Variants in KIF26B observed in about 807,000 individuals in gnomAD.
KIF26B encodes kinesin family member 26B, also known as kinesin-like protein KIF26B.
In KIF26B, 63 loss-of-function variants were observed where a neutral mutation model predicts 151.2. That is an observed-to-expected ratio of 0.42 (90% CI 0.34 to 0.51). The LOEUF is 0.51. KIF26B is among the 20% of genes least tolerant of loss of function. KIF26B has a pLI of 0.07. For missense variants in KIF26B, 2,813 were observed against 2,913.6 expected (o/e 0.97, Z 0.79); for synonymous variants, 1,357 against 1,262.1 (o/e 1.08, Z -1.59).
At chr1:245,204,378 C>CTT (rs11350122) in intron 2 of KIF26B, among the ~76,000 whole-genome samples, 5 of 146,466 alleles carry the variant, frequency 3.4e-5, no homozygotes, top group Admixed American at 6.8e-5. Flanking sequence ...TAAGATCTCT[C>CTT]TTTTTTTTTT....
intron 5 of KIF26B, among the ~76,000 whole-genome samples, chr1:245,586,910 C>T (rs1239091655): frequency 7.3e-6 from 1 of 137,622 alleles, no homozygotes; most frequent in Non-Finnish European, 1.6e-5. Context: ...AAAAAAAAAA[C>T]ATCAAACAAT....
chr1:245,168,642 A>G (rs1354227543), intron 2 of KIF26B, among the ~76,000 whole-genome samples: 2 of 152,228 alleles, frequency 1.3e-5, no homozygotes, highest in African/African-American at 4.8e-5. Context: ...AACTCTATAA[A>G]CATTTTATTC....
intron 4 of KIF26B, among the ~76,000 whole-genome samples, chr1:245,509,611 A>G (rs1479279630): frequency 6.6e-6 from 1 of 151,960 alleles, no homozygotes; most frequent in Admixed American, 6.6e-5. Context: ...GTCTCCAGAA[A>G]CTCCTGCCTG....
chr1:245,188,203 C>G (rs1047706837), intron 2 of KIF26B, among the ~76,000 whole-genome samples: 1 of 144,014 alleles, frequency 6.9e-6, no homozygotes, highest in Non-Finnish European at 1.5e-5. Context: ...TCACTTGATC[C>G]CAGGAGGTGG....
intron 2 of KIF26B, among the ~76,000 whole-genome samples, chr1:245,249,345 C>G (rs891151096): frequency 6.6e-6 from 1 of 152,052 alleles, no homozygotes; most frequent in East Asian, 1.9e-4. Context: ...GTGATCCGCC[C>G]GCCTTGGCTT....
At chr1:245,626,782 G>C (rs1223689805) in intron 9 of KIF26B, among the ~76,000 whole-genome samples, 1 of 152,142 alleles carries the variant, frequency 6.6e-6, no homozygotes, top group Non-Finnish European at 1.5e-5. Context: ...TGCTTTCAAA[G>C]TCTTAGCCAT....
intron 9 of KIF26B, among the ~76,000 whole-genome samples, chr1:245,637,975 A>G (rs2043852786): frequency 6.6e-6 from 1 of 151,830 alleles, no homozygotes; most frequent in African/African-American, 2.4e-5. Flanking sequence ...GTATTGATTT[A>G]TCTACTACGG....
chr1:245,429,851 G>A (rs528907339), intron 4 of KIF26B, among the ~76,000 whole-genome samples: 1 of 152,182 alleles, frequency 6.6e-6, no homozygotes, highest in Non-Finnish European at 1.5e-5. Context: ...CTGACCTCAG[G>A]TGATCTGCCC....
chr1:245,571,480 A>G (rs1353299406), intron 5 of KIF26B, among the ~76,000 whole-genome samples: 1 of 152,256 alleles, frequency 6.6e-6, no homozygotes, highest in Non-Finnish European at 1.5e-5. Flanking sequence ...GAAAGTGATC[A>G]GATCAGAACT....
intron 10 of KIF26B, among the ~76,000 whole-genome samples, chr1:245,683,297 C>T (rs188701048): frequency 6.7e-6 from 1 of 149,310 alleles, no homozygotes; most frequent in Non-Finnish European, 1.5e-5. Context: ...GAGCACGCGG[C>T]ATGGGAAATA....
intron 6 of KIF26B, among the ~76,000 whole-genome samples, chr1:245,603,796 C>G (rs947734416): frequency 2.6e-5 from 4 of 152,292 alleles, no homozygotes; most frequent in African/African-American, 7.2e-5. Flanking sequence ...GAGATTGCTT[C>G]TAATGATTGG....
intron 4 of KIF26B, among the ~76,000 whole-genome samples, chr1:245,524,514 A>G (rs1474724678): frequency 6.6e-6 from 1 of 152,230 alleles, no homozygotes; most frequent in African/African-American, 2.4e-5. Flanking sequence ...ATTGGGTAAA[A>G]TCATAGTAAC....
intron 3 of KIF26B, among the ~76,000 whole-genome samples, chr1:245,409,771 C>T: frequency 6.6e-6 from 1 of 152,156 alleles, no homozygotes; most frequent in East Asian, 1.9e-4. Flanking sequence ...GACTCAAGGC[C>T]AGCCTCAGAG....
chr1:245,694,445 A>G (rs2044664283), intron 12 of KIF26B, among the ~76,000 whole-genome samples: 1 of 152,190 alleles, frequency 6.6e-6, no homozygotes, highest in Non-Finnish European at 1.5e-5. Flanking sequence ...GGAGTTTGGG[A>G]ATGGGCAGAA....
chr1:245,551,614 C>T (rs1210936711), intron 5 of KIF26B, among the ~76,000 whole-genome samples: 1 of 152,200 alleles, frequency 6.6e-6, no homozygotes, highest in Non-Finnish European at 1.5e-5. Context: ...ACTAATAACG[C>T]ACCATTTGCA....
chr1:245,316,356 C>A (rs577154647), intron 2 of KIF26B, among the ~76,000 whole-genome samples: 1 of 152,008 alleles, frequency 6.6e-6, no homozygotes, highest in Admixed American at 6.6e-5. Flanking sequence ...ACTCCTGACC[C>A]CAGGTGATCC....
chr1:245,316,583 G>C (rs567890029), intron 2 of KIF26B, among the ~76,000 whole-genome samples: 9 of 151,426 alleles, frequency 5.9e-5, no homozygotes, highest in Admixed American at 4.6e-4. Context: ...TTTTCTGATA[G>C]AATGTGCTTT....
intron 3 of KIF26B, among the ~76,000 whole-genome samples, chr1:245,395,333 T>C (rs1432502909): frequency 6.6e-6 from 1 of 152,188 alleles, no homozygotes; most frequent in East Asian, 1.9e-4. Flanking sequence ...TTGGTTCTTA[T>C]ATAATCTATT....
rs1316441048 is a variant in KIF26B at position 245,367,674 on chromosome 1, A to G, written c.999+307A>G. On this transcript the variant is annotated intron_variant, in intron 3 of 14. Coordinates refer to ENST00000407071, the MANE Select transcript of KIF26B (RefSeq NM_018012.4). The surrounding 1 kb of genome is among the most constrained non-coding windows in gnomAD (Gnocchi z 4.2). Reference sequence around the variant, plus strand: ...AGGTGATGCCAGCGACTTCCCAGCCAGCAGATTTACCACATGGCAGAGCCA... The same window carrying G: ...AGGTGATGCCAGCGACTTCCCAGCCGGCAGATTTACCACATGGCAGAGCCA... 6.6e-6 allele frequency among the ~76,000 whole-genome samples: 1 copy of G among 152,228 alleles called. No individual in the cohort carries two copies.
Sources: gnomAD v4.1 joint callset for allele counts (sites outside exome capture counted in the v4.1 genomes callset) on GRCh38, gnomAD v4.1.1 for gene constraint, Gnocchi (gnomAD v3.1) non-coding constraint, MANE v1.5 for transcripts, NCBI Gene and HGNC (gene_info 2026-07-23, HGNC 2026-07-21) for gene names.